The following GPC5 variants were observed in gnomAD, a reference collection of about 807,000 sequenced individuals.
GPC5 encodes the protein glypican-5.
In GPC5, 47 loss-of-function variants were observed where a neutral mutation model predicts 53.9. The observed-to-expected ratio is 0.87, with a 90% CI of 0.69 to 1.11. GPC5 has a LOEUF of 1.11. GPC5 is among the 50% of genes most tolerant of loss of function. The pLI, the probability that GPC5 is intolerant of heterozygous loss-of-function variation, is 0.00. For synonymous variants in GPC5, 286 were observed against 263.3 expected (o/e 1.09, Z -0.84); for missense variants, 748 against 713.1 (o/e 1.05, Z -0.56).
At chr13:91,609,908 G>A (rs2033496365) in intron 2 of GPC5, among the ~76,000 whole-genome samples, 1 of 152,172 alleles carries the variant, frequency 6.6e-6, no homozygotes, top group Non-Finnish European at 1.5e-5. Flanking sequence ...TAAGGAAAGG[G>A]GGAAGACATG....
In GPC5 at chr13:92,133,826, C is replaced by A. The variant is rs146254003; in HGVS notation, c.1402-11004C>A. Among the ~76,000 whole-genome samples, 238 of 152,242 alleles carry A rather than the reference C, an allele frequency of 1.6e-3. 2 individuals are homozygous for A. The highest frequency in any genetic ancestry group is 5.5e-3 in the African/African-American group (229 of 41,556). ...AAATCTAAGTTAAGAACAGAAAATG[C>A]TGATTCCCGCAGTCCATGTAGAAAA... On this transcript the variant is annotated intron_variant, in intron 6 of 7. Coordinates refer to ENST00000377067, the MANE Select transcript of GPC5 (RefSeq NM_004466.6).
At chr13:91,649,495 C>T (rs2034643486) in intron 2 of GPC5, among the ~76,000 whole-genome samples, 1 of 152,150 alleles carries the variant, frequency 6.6e-6, no homozygotes, top group Non-Finnish European at 1.5e-5. Flanking sequence ...TACTAGTTGC[C>T]TCTTTCTGAT....
At chr13:92,768,702 G>C (rs1289947173) in intron 7 of GPC5, among the ~76,000 whole-genome samples, 1 of 151,510 alleles carries the variant, frequency 6.6e-6, no homozygotes, top group Non-Finnish European at 1.5e-5. Context: ...TGGCCAGTGG[G>C]AGTTCTTTGA....
intron 6 of GPC5, among the ~76,000 whole-genome samples, chr13:91,926,477 A>C (rs2039769564): frequency 6.6e-6 from 1 of 152,006 alleles, no homozygotes; most frequent in Admixed American, 6.6e-5. Flanking sequence ...AGGCTTGACT[A>C]GCATTGGCTT....
At chr13:91,865,035 C>T (rs1001134563) in intron 5 of GPC5, among the ~76,000 whole-genome samples, 2 of 151,828 alleles carry the variant, frequency 1.3e-5, no homozygotes, top group African/African-American at 4.8e-5. Context: ...CTCCAGCCTC[C>T]TGAGTAGCTG....
intron 3 of GPC5, among the ~76,000 whole-genome samples, chr13:91,715,311 A>G (rs2036312914): frequency 6.6e-6 from 1 of 152,256 alleles, no homozygotes; most frequent in Non-Finnish European, 1.5e-5. Flanking sequence ...GATCCTGTGT[A>G]TAAAACATTA....
chr13:92,754,300 G>A (rs1254716456), intron 7 of GPC5, among the ~76,000 whole-genome samples: 3 of 152,092 alleles, frequency 2.0e-5, no homozygotes, highest in African/African-American at 4.8e-5. Context: ...CTCACCACCA[G>A]GCCTGCCCTA....
At chr13:91,788,424 ACATT>A (rs1236651499) in intron 5 of GPC5, among the ~76,000 whole-genome samples, 5 of 152,214 alleles carry the variant, frequency 3.3e-5, no homozygotes, top group Non-Finnish European at 5.9e-5. Context: ...GGAGACATAA[ACATT>A]CAATCTGTAG....
At chr13:91,426,105 T>A (rs1177222233) in intron 1 of GPC5, among the ~76,000 whole-genome samples, 2 of 152,152 alleles carry the variant, frequency 1.3e-5, no homozygotes, top group East Asian at 3.8e-4. Flanking sequence ...ATTTGCAGCC[T>A]AACAATGTGG....
At chr13:92,633,568 C>A (rs1885324770) in intron 7 of GPC5, among the ~76,000 whole-genome samples, 1 of 151,948 alleles carries the variant, frequency 6.6e-6, no homozygotes, top group Non-Finnish European at 1.5e-5. Context: ...CATTTATGTA[C>A]TTTTATTTAT....
At chr13:91,826,415 A>G (rs2038577790) in intron 5 of GPC5, among the ~76,000 whole-genome samples, 1 of 152,096 alleles carries the variant, frequency 6.6e-6, no homozygotes, top group Admixed American at 6.6e-5. Context: ...ATACCATCAT[A>G]AAATCATAAG....
At chr13:92,274,093 T>A (rs2042858703) in intron 7 of GPC5, among the ~76,000 whole-genome samples, 1 of 152,202 alleles carries the variant, frequency 6.6e-6, no homozygotes, top group Non-Finnish European at 1.5e-5. Flanking sequence ...TGAAAGTGGT[T>A]ATAAAATATT....
intron 5 of GPC5, among the ~76,000 whole-genome samples, chr13:91,861,490 C>T (rs1476008244): frequency 1.3e-5 from 2 of 151,998 alleles, no homozygotes; most frequent in African/African-American, 4.8e-5. Context: ...AATGCATCCC[C>T]TTTTCCAGTT....
At chr13:92,690,819 C>A (rs1191225672) in intron 7 of GPC5, among the ~76,000 whole-genome samples, 1 of 66,098 alleles carries the variant, frequency 1.5e-5, no homozygotes, top group Non-Finnish European at 2.7e-5. Context: ...TGTTGGAATA[C>A]CCTGCCGTGT....
At chr13:92,077,141 T>C (rs1352681217) in intron 6 of GPC5, among the ~76,000 whole-genome samples, 2 of 152,192 alleles carry the variant, frequency 1.3e-5, no homozygotes, top group African/African-American at 2.4e-5. Context: ...ATTTCTTAAA[T>C]GTATTTGATT....
chr13:92,074,280 T>C (rs762133705), intron 6 of GPC5, among the ~76,000 whole-genome samples: 17 of 152,166 alleles, frequency 1.1e-4, no homozygotes, highest in Non-Finnish European at 1.8e-4. Flanking sequence ...GAAAGTTGGA[T>C]ACCACAGCTT....
chr13:91,869,762 G>C (rs1048106352), intron 5 of GPC5, among the ~76,000 whole-genome samples: 2 of 152,114 alleles, frequency 1.3e-5, no homozygotes, highest in African/African-American at 4.8e-5. Flanking sequence ...GGGATGGCTG[G>C]GGAGGCCTCA....
chr13:91,906,331 T>A (rs1354981493), intron 5 of GPC5, among the ~76,000 whole-genome samples: 2 of 152,152 alleles, frequency 1.3e-5, no homozygotes, highest in East Asian at 3.9e-4. Flanking sequence ...AATTTCTCCC[T>A]CAGTTTTTCC....
chr13:92,406,136 A>T (rs1182642706), intron 7 of GPC5, among the ~76,000 whole-genome samples: 2 of 152,200 alleles, frequency 1.3e-5, no homozygotes, highest in Non-Finnish European at 2.9e-5. Flanking sequence ...ACATTTCCCA[A>T]ATGGGAACTA....
Sources: allele counts gnomAD v4.1 joint callset (sites outside exome capture counted in the v4.1 genomes callset), GRCh38; gene constraint gnomAD v4.1.1; transcripts MANE v1.5; gene names NCBI Gene and HGNC (gene_info 2026-07-23, HGNC 2026-07-21).